The following USP4 variants were observed in gnomAD, a reference collection of about 807,000 sequenced individuals.
USP4 encodes ubiquitin carboxyl-terminal hydrolase 4.
A neutral mutation model predicts 118.2 loss-of-function variants in USP4; 72 were observed. The ratio of observed to expected loss-of-function variants is 0.61; its 90% confidence interval spans 0.50 to 0.74. The LOEUF is 0.74. Ranked by LOEUF, USP4 falls within the 30% of genes least tolerant of loss-of-function variation. USP4 has a pLI of 0.00. For synonymous variants in USP4, 415 were observed against 440.4 expected (o/e 0.94, Z 0.72); for missense variants, 1,037 against 1,185.7 (o/e 0.87, Z 1.84).
rs1237648939 is a variant in USP4, at chr3:49,277,291, G to A, written c.*1002C>T. On this transcript the variant is annotated 3_prime_UTR_variant, in exon 22 of 22. Coordinates refer to ENST00000265560, the MANE Select transcript of USP4 (RefSeq NM_003363.4). ...GTTGAAGGTCAGACAAAAAATCCCG[G>A]ACCCATACGTCCGGTTCCTTAAGGC... 4.7e-5 allele frequency: 58 copies of A among 1,246,486 alleles called. No homozygotes were observed. The highest frequency in any genetic ancestry group is 2.2e-4 in the Middle Eastern group (1 of 4,636). 77.2% of individuals were successfully genotyped at this position (1,246,486 alleles called of 1,614,324 possible).
At chr3:49,315,433 C>T (rs2047425176) in intron 6 of USP4, among the ~76,000 whole-genome samples, 1 of 152,140 alleles carries the variant, frequency 6.6e-6, no homozygotes, top group Non-Finnish European at 1.5e-5. Flanking sequence ...ATGCTGAGCA[C>T]TAGGGCAGGG....
chr3:49,305,563 A>G, intron 9 of USP4, 152 bp downstream of exon 9: 1 of 574,084 alleles, frequency 1.7e-6, no homozygotes, highest in Non-Finnish European at 2.8e-6. Flanking sequence ...TCACTGAAAC[A>G]TTTTAGATTT....
chr3:49,292,871 A>T (rs1354905290), intron 14 of USP4, among the ~76,000 whole-genome samples: 1 of 151,742 alleles, frequency 6.6e-6, no homozygotes, highest in Non-Finnish European at 1.5e-5. Context: ...CTCTAGTAAA[A>T]CTAAAAAAAT....
chr3:49,319,754 C>T (rs2047479868), intron 6 of USP4, among the ~76,000 whole-genome samples: 1 of 152,000 alleles, frequency 6.6e-6, no homozygotes, highest in African/African-American at 2.4e-5. Context: ...GCTGGGATTA[C>T]AGGTGCACGC....
chr3:49,337,943 G>C (rs1400369242), intron 1 of USP4, among the ~76,000 whole-genome samples: 1 of 150,642 alleles, frequency 6.6e-6, no homozygotes, highest in Non-Finnish European at 1.5e-5. Context: ...CTACTCGGGA[G>C]GCTGAAGCAG....
At chr3:49,307,924 G>A (rs140851016) in intron 8 of USP4, among the ~76,000 whole-genome samples, 1 of 152,074 alleles carries the variant, frequency 6.6e-6, no homozygotes, top group African/African-American at 2.4e-5. Flanking sequence ...GATCACTTGA[G>A]CCCAGGAGTT....
At chr3:49,284,681 C>T (rs2047075075) in intron 17 of USP4, 97 bp from the exon 18 acceptor site, 6 of 1,252,228 alleles carry the variant, frequency 4.8e-6, no homozygotes, top group Admixed American at 1.8e-5. Flanking sequence ...GAATGTAGTA[C>T]ACTTTCTAGA....
chr3:49,322,015 AC>A (rs1164792129), intron 6 of USP4, among the ~76,000 whole-genome samples: 1 of 151,696 alleles, frequency 6.6e-6, no homozygotes, highest in Non-Finnish European at 1.5e-5. Flanking sequence ...AAAAAACAAA[AC>A]CCCTGAGTGT....
intron 6 of USP4, among the ~76,000 whole-genome samples, chr3:49,316,053 A>T (rs1270467761): frequency 6.6e-6 from 1 of 151,846 alleles, no homozygotes; most frequent in Non-Finnish European, 1.5e-5. Context: ...AAAATACAAA[A>T]TTAGCCAGGC....
At chr3:49,286,370 T>G in intron 15 of USP4, 45 bp from the exon 16 acceptor site, 1 of 1,579,208 alleles carries the variant, frequency 6.3e-7, no homozygotes, top group Non-Finnish European at 8.6e-7. Flanking sequence ...TTCCTACCAT[T>G]TCAATGTTAA....
intron 11 of USP4, among the ~76,000 whole-genome samples, chr3:49,299,869 G>A (rs1182017831): frequency 1.3e-5 from 2 of 152,138 alleles, no homozygotes; most frequent in Admixed American, 6.6e-5. Flanking sequence ...GAAAAGAACC[G>A]TGCTTCTGGT....
At chr3:49,316,727 G>A (rs1446975466) in intron 6 of USP4, 6 of 325,330 alleles carry the variant, frequency 1.8e-5, no homozygotes. Flanking sequence ...GTTCTGGGAT[G>A]AAGGAGAACC....
At chr3:49,300,758 A>G (rs1231081031) in intron 10 of USP4, 67 bp from the exon 11 acceptor site, 6 of 1,451,104 alleles carry the variant, frequency 4.1e-6, no homozygotes, top group African/African-American at 1.4e-5. Flanking sequence ...ATCCAGAATG[A>G]CTCACAGCAA....
At position 49,278,450 on chromosome 3, in the gene USP4, G is replaced by A; in HGVS notation, c.2735C>T (p.Thr912Ile). The change falls in exon 22 of 22, where the codon ACT (threonine) becomes ATT (isoleucine). Residue 912 changes from threonine (T) to isoleucine (I), a missense_variant and splice_region_variant. By Grantham distance (89) the Thr-to-Ile change is moderately conservative. This residue lies in a region of USP4 where 522 missense variants were observed against 592.6 expected (regional missense o/e 0.88). Transcript: ENST00000265560. ...VSLASEDQIV[T>I]KAAYVLFYQR... ...GTAAAATAGCACATAAGCTGCTTTA[G>A]TCTGAAATACAAGAGGGGGAAAGAC... 1 of 1,613,420 alleles carries A rather than the reference G, an allele frequency of 6.2e-7. No homozygotes were observed.
chr3:49,303,510 GC>G (rs1169892901), intron 9 of USP4, among the ~76,000 whole-genome samples: 1 of 145,878 alleles, frequency 6.9e-6, no homozygotes, highest in Non-Finnish European at 1.5e-5. Flanking sequence ...ATAGCCACTA[GC>G]CACATATGGC....
chr3:49,339,630 G>T (rs983669066), intron 1 of USP4, among the ~76,000 whole-genome samples: 1 of 152,130 alleles, frequency 6.6e-6, no homozygotes, highest in African/African-American at 2.4e-5. Context: ...CATGGTAAAG[G>T]GCTCTCCCCA....
At chr3:49,290,542 T>A (rs1308612718) in intron 15 of USP4, among the ~76,000 whole-genome samples, 1 of 152,232 alleles carries the variant, frequency 6.6e-6, no homozygotes, top group South Asian at 2.1e-4. Flanking sequence ...TGAGATGGAA[T>A]GTTGTTCTGT....
intron 2 of USP4, among the ~76,000 whole-genome samples, chr3:49,334,140 T>C (rs953849959): frequency 6.6e-6 from 1 of 152,238 alleles, no homozygotes; most frequent in African/African-American, 2.4e-5. Flanking sequence ...CACATGCTGT[T>C]GTAAAAATGG....
intron 19 of USP4, among the ~76,000 whole-genome samples, chr3:49,282,138 G>T (rs1275623667): frequency 6.6e-6 from 1 of 152,194 alleles, no homozygotes; most frequent in African/African-American, 2.4e-5. Context: ...GAGGGCTTCA[G>T]CAAGTATGCA....
Sources: gnomAD v4.1 joint callset for allele counts (sites outside exome capture counted in the v4.1 genomes callset) on GRCh38, gnomAD v4.1.1 for gene constraint, gnomAD v4.1.1 regional missense constraint, MANE v1.5 for transcripts, NCBI Gene and HGNC (gene_info 2026-07-23, HGNC 2026-07-21) for gene names.